POF1B: variants seen among roughly 807,000 people sequenced by gnomAD.
POF1B encodes protein POF1B.
POF1B carries 53 observed loss-of-function variants against 55.3 expected under a neutral mutation model. The ratio of observed to expected loss-of-function variants is 0.96; its 90% CI spans 0.77 to 1.20. POF1B has a LOEUF of 1.20. Ranked by LOEUF, POF1B falls within the 50% of genes most tolerant of loss-of-function variation. POF1B has a pLI of 0.00. For missense variants in POF1B, 478 were observed against 420.5 expected (o/e 1.14, Z -1.20); for synonymous variants, 188 against 148.3 (o/e 1.27, Z -1.95).
In POF1B at chrX:85,345,858, A is replaced by T; in HGVS notation, c.723+2T>A. On this transcript the variant is annotated splice_donor_variant, in intron 6 of 16. Coordinates refer to ENST00000262753, the MANE Select transcript of POF1B (RefSeq NM_024921.4). LOFTEE classifies it high-confidence loss of function. ...GTTAAGGAATCAGCTGATTGATCTT[A>T]CCTGCTCACAAATCTGGCTTGATCC... 1 of 1,193,588 alleles carries T rather than the reference A, an allele frequency of 8.4e-7. No individual in the cohort carries two copies.
chrX:85,328,192 A>AT (rs1356698805), intron 7 of POF1B, among the ~76,000 whole-genome samples: 1 of 104,715 alleles, frequency 9.5e-6, no homozygotes, highest in Admixed American at 1.0e-4. Context: ...TTATTTATTT[A>AT]TTTATTTATT....
At chrX:85,286,951 A>C (rs192210760) in intron 15 of POF1B, among the ~76,000 whole-genome samples, 1 of 111,404 alleles carries the variant, frequency 9.0e-6, no homozygotes, top group Admixed American at 9.6e-5. Flanking sequence ...AAATATATAG[A>C]TGAAATCCCC....
chrX:85,334,191 A>T (rs1933024705), intron 6 of POF1B, among the ~76,000 whole-genome samples: 2 of 110,661 alleles, frequency 1.8e-5, no homozygotes, highest in African/African-American at 3.3e-5. Context: ...TGAGAAAGCC[A>T]AGATAGAAGT....
intron 5 of POF1B, among the ~76,000 whole-genome samples, chrX:85,349,791 G>A (rs1933342606): frequency 9.0e-6 from 1 of 111,030 alleles, no homozygotes; most frequent in Non-Finnish European, 1.9e-5. Flanking sequence ...CCAGAACTGT[G>A]AGACAATAAA....
chrX:85,364,414 C>T (rs763255120), intron 3 of POF1B, among the ~76,000 whole-genome samples: 7 of 111,968 alleles, frequency 6.3e-5, no homozygotes, highest in Non-Finnish European at 1.3e-4. Context: ...TTTAGTGCTC[C>T]TTTCAAGATC....
rs1363637826 is a variant in POF1B at position 85,306,186 on chromosome X, T to C, written c.1312A>G (p.Met438Val). Residue 438 changes from methionine (M) to valine (V), a missense_variant, in exon 12 of 17, where the codon ATG becomes GTG. Physicochemically the swap from Met to Val is conservative, Grantham distance 21 (BLOSUM62 1). Coordinates refer to ENST00000262753, the MANE Select transcript of POF1B (RefSeq NM_024921.4). The stretch of plus-strand genomic sequence containing the variant: ...TTAAAAGGAAGTTTTAATACCTGCA[T>C]TCTAAGGTTTTGATTCTCTTGCTCT... Reference protein sequence around the residue: ...NLEQENQNLRMQVSETCTGPM... With the variant: ...NLEQENQNLRVQVSETCTGPM... 8 of 1,194,961 alleles carry C rather than the reference T, an allele frequency of 6.7e-6. No individual in the cohort carries two copies. Among genetic ancestry groups the C allele is most frequent in the Non-Finnish European group, 9.0e-6 (8 of 884,386 alleles).
intron 4 of POF1B, among the ~76,000 whole-genome samples, chrX:85,355,830 G>C (rs1432411178): frequency 9.0e-6 from 1 of 111,610 alleles, no homozygotes; most frequent in African/African-American, 3.3e-5. Flanking sequence ...AGAGGATGTG[G>C]AGAAATAGGA....
intron 15 of POF1B, among the ~76,000 whole-genome samples, chrX:85,296,449 C>G (rs1330683543): frequency 8.9e-6 from 1 of 111,773 alleles, no homozygotes; most frequent in Non-Finnish European, 1.9e-5. Context: ...TAATAAATTC[C>G]CTTAGTGTTT....
chrX:85,344,877 A>G (rs1027320398), intron 6 of POF1B, among the ~76,000 whole-genome samples: 3 of 111,708 alleles, frequency 2.7e-5, no homozygotes, highest in African/African-American at 9.7e-5. Context: ...TTGGCCTACC[A>G]AAGTGCTGGA....
chrX:85,280,052 G>A (rs1931864535), intron 16 of POF1B, among the ~76,000 whole-genome samples: 1 of 111,274 alleles, frequency 9.0e-6, no homozygotes, highest in Non-Finnish European at 1.9e-5. Context: ...ACATTTCAGA[G>A]TTTAAATGCA....
At chrX:85,287,621 T>C (rs1011028041) in intron 15 of POF1B, among the ~76,000 whole-genome samples, 1 of 111,180 alleles carries the variant, frequency 9.0e-6, no homozygotes, top group Non-Finnish European at 1.9e-5. Context: ...CAAAGTCAAC[T>C]CCAGTCCAGG....
chrX:85,350,817 G>C (rs986464724), intron 5 of POF1B, among the ~76,000 whole-genome samples: 1 of 111,280 alleles, frequency 9.0e-6, no homozygotes, highest in Non-Finnish European at 1.9e-5. Flanking sequence ...GAATGGCAAT[G>C]ATTAAAAAGT....
chrX:85,344,541 G>A (rs1225254886), intron 6 of POF1B, among the ~76,000 whole-genome samples: 2 of 111,118 alleles, frequency 1.8e-5, no homozygotes, highest in Admixed American at 1.9e-4. Flanking sequence ...CTAAGGCAAA[G>A]CAAAGTTAAG....
rs192127880 is a variant in POF1B at position 85,301,300 on chromosome X, A to C, written c.1649+2106T>G. On this transcript the variant is annotated intron_variant, in intron 15 of 16. Transcript: ENST00000262753. Reference sequence around the variant, plus strand: ...ATCCTCAATTAAAAATTATCAACTGATTTCTCATCAGAAATTATAGAGGCC... The same window carrying C: ...ATCCTCAATTAAAAATTATCAACTGCTTTCTCATCAGAAATTATAGAGGCC... 3.3e-3 allele frequency among the ~76,000 whole-genome samples: 373 copies of C among 112,010 alleles called. 2 individuals are homozygous for C. Among genetic ancestry groups the C allele is most frequent in the African/African-American group, 0.012 (358 of 30,860 alleles).
At chrX:85,356,141 G>A (rs1933490886) in intron 4 of POF1B, among the ~76,000 whole-genome samples, 1 of 111,066 alleles carries the variant, frequency 9.0e-6, no homozygotes, top group Admixed American at 9.6e-5. Flanking sequence ...AAAAAACGAT[G>A]AGTTCATGTC....
intron 15 of POF1B, among the ~76,000 whole-genome samples, chrX:85,284,190 T>C (rs1416116339): frequency 9.0e-6 from 1 of 111,655 alleles, no homozygotes; most frequent in Admixed American, 9.5e-5. Flanking sequence ...TCCATGCTCA[T>C]GGGTAGGAAG....
At chrX:85,292,705 C>T (rs1932218879) in intron 15 of POF1B, among the ~76,000 whole-genome samples, 1 of 110,928 alleles carries the variant, frequency 9.0e-6, no homozygotes, top group Non-Finnish European at 1.9e-5. Context: ...ATCCTGGACA[C>T]AGCAAAGGAA....
chrX:85,303,443 G>C lies in POF1B; in HGVS notation c.1612C>G (p.Pro538Ala), dbSNP rs752230460. Reference sequence around the variant, plus strand: ...ATAGTAGTCCTTCCACCAGTGGAGGGTTGGTTATGAGAGGAATATATTTCT... The same window carrying C: ...ATAGTAGTCCTTCCACCAGTGGAGGCTTGGTTATGAGAGGAATATATTTCT... ...RQEIYSSHNQ[P>A]STGGRTTITT... The change falls in exon 15 of 17, where the codon CCC becomes GCC. Residue 538 changes from proline (P) to alanine (A), a missense_variant. Pro to Ala is a conservative substitution (Grantham distance 27). Coordinates refer to ENST00000262753, the MANE Select transcript of POF1B (RefSeq NM_024921.4). 1 of 1,194,182 alleles carries C rather than the reference G, an allele frequency of 8.4e-7. No individual in the cohort carries two copies. The highest frequency in any genetic ancestry group is 1.8e-5 in the South Asian group (1 of 55,319).
chrX:85,315,786 T>A, intron 7 of POF1B, 52 bp from the exon 8 acceptor site: 1 of 972,662 alleles, frequency 1.0e-6, no homozygotes. Flanking sequence ...TATTCACTGA[T>A]CATATATAAA....
Sources: allele counts gnomAD v4.1 joint callset (sites outside exome capture counted in the v4.1 genomes callset), GRCh38; gene constraint gnomAD v4.1.1; transcripts MANE v1.5; gene names NCBI Gene and HGNC (gene_info 2026-07-23, HGNC 2026-07-21).